The following AKR1C3 variants were observed in gnomAD, a reference collection of about 807,000 sequenced individuals.
AKR1C3 encodes the protein 3-alpha hydroxysteroid dehydrogenase, type II.
Under a neutral mutation model 43.6 loss-of-function variants are expected in AKR1C3, and 48 were observed. That is an observed-to-expected ratio of 1.10 (90% CI 0.87 to 1.40). The LOEUF is 1.40. Ranked by LOEUF, AKR1C3 falls within the 40% of genes most tolerant of loss-of-function variation. The pLI, the probability that AKR1C3 is intolerant of heterozygous loss-of-function variation, is 0.00. For synonymous variants in AKR1C3, 162 were observed against 139.6 expected (o/e 1.16, Z -1.13); for missense variants, 482 against 391.2 (o/e 1.23, Z -1.96).
At chr10:5,072,202 ACCC>A (rs1838625118) in intron 1 of AKR1C3, among the ~76,000 whole-genome samples, 1 of 152,164 alleles carries the variant, frequency 6.6e-6, no homozygotes, top group Non-Finnish European at 1.5e-5. Context: ...TTATGGCCAA[ACCC>A]TGGCATAAGT....
intron 1 of AKR1C3, among the ~76,000 whole-genome samples, chr10:5,068,271 C>A (rs1160403021): frequency 6.6e-6 from 1 of 151,848 alleles, no homozygotes; most frequent in African/African-American, 2.4e-5. Flanking sequence ...AAAATATAAC[C>A]TAAAGAAGAT....
At chr10:5,102,900 C>T (rs587646787) in intron 7 of AKR1C3, among the ~76,000 whole-genome samples, 4 of 151,972 alleles carry the variant, frequency 2.6e-5, no homozygotes, top group African/African-American at 9.6e-5. Flanking sequence ...TACTCTGCAT[C>T]CCTGCACCAG....
chr10:5,059,528 A>C (rs1554779993), intron 1 of AKR1C3, among the ~76,000 whole-genome samples: 1 of 152,154 alleles, frequency 6.6e-6, no homozygotes, highest in Non-Finnish European at 1.5e-5. Context: ...GAAAAGCAGA[A>C]GCTGGTTATA....
At chr10:5,084,363 G>C (rs561183352) in intron 1 of AKR1C3, among the ~76,000 whole-genome samples, 60 of 151,380 alleles carry the variant, frequency 4.0e-4, no homozygotes, top group East Asian at 1.9e-4. Flanking sequence ...TTTTTCTCAG[G>C]TTTGTCAAAG....
At chr10:5,050,281 A>T (rs1554778819) in intron 1 of AKR1C3, among the ~76,000 whole-genome samples, 1 of 152,246 alleles carries the variant, frequency 6.6e-6, no homozygotes, top group East Asian at 1.9e-4. Context: ...TGGAGTGAAT[A>T]GGAGCACTTG....
upstream of AKR1C3, among the ~76,000 whole-genome samples, chr10:5,091,711 G>A (rs78240731): frequency 0.033 from 4,980 of 152,042 alleles, 256 homozygotes; most frequent in African/African-American, 0.11. Context: ...CCACAGCTTC[G>A]TTTCCACTTC....
chr10:5,087,598 A>T (rs2131826230), intron 1 of AKR1C3, among the ~76,000 whole-genome samples: 1 of 150,348 alleles, frequency 6.7e-6, no homozygotes, highest in African/African-American at 2.4e-5. Flanking sequence ...CTAGTCTCGA[A>T]CTCTTGACCT....
At chr10:5,062,291 C>T (rs113219952) in intron 1 of AKR1C3, among the ~76,000 whole-genome samples, 17 of 152,296 alleles carry the variant, frequency 1.1e-4, no homozygotes, top group African/African-American at 4.1e-4. Flanking sequence ...ACAATCTTTC[C>T]TTAAACTATG....
At chr10:5,062,065 G>A (rs1838393965) in intron 1 of AKR1C3, among the ~76,000 whole-genome samples, 1 of 152,164 alleles carries the variant, frequency 6.6e-6, no homozygotes. Context: ...TAGTTTTTAG[G>A]AGTACAAAGT....
intron 8 of AKR1C3, among the ~76,000 whole-genome samples, chr10:5,106,156 C>T (rs1390822492): frequency 2.6e-5 from 4 of 152,188 alleles, no homozygotes; most frequent in Non-Finnish European, 5.9e-5. Context: ...AATTCAGCAT[C>T]TTTTATTATT....
chr10:5,078,101 T>G, intron 1 of AKR1C3: 1 of 584,262 alleles, frequency 1.7e-6, no homozygotes, highest in South Asian at 2.2e-5. Flanking sequence ...TGTCTTTTGT[T>G]TCCAAAGTCA....
At chr10:5,065,572 T>C (rs1413374789) in intron 1 of AKR1C3, among the ~76,000 whole-genome samples, 3 of 152,158 alleles carry the variant, frequency 2.0e-5, no homozygotes, top group African/African-American at 2.4e-5. Flanking sequence ...CAAAAGGAGA[T>C]ATTTATTCGA....
At chr10:5,099,810 TATGAAGCTAGGAAAAG>T (rs1839302569) in intron 5 of AKR1C3, 1 of 232,774 alleles carries the variant, frequency 4.3e-6, no homozygotes, top group African/African-American at 2.3e-5. Context: ...GGTGTATAGA[TATGAAGCTAGGAAAAG>T]ATGAAATGAG....
At chr10:5,070,837 T>G (rs916376390) in intron 1 of AKR1C3, among the ~76,000 whole-genome samples, 1 of 152,194 alleles carries the variant, frequency 6.6e-6, no homozygotes, top group Non-Finnish European at 1.5e-5. Context: ...TCCAGATCTG[T>G]GAGCAATCCA....
At chr10:5,092,095 C>T (rs993091003), upstream of AKR1C3, among the ~76,000 whole-genome samples, 3 of 152,070 alleles carry the variant, frequency 2.0e-5, no homozygotes, top group African/African-American at 4.8e-5. Context: ...ATTTTTACCA[C>T]ATTAAATGTA....
At chr10:5,054,358 C>A (rs1838216242) in intron 1 of AKR1C3, among the ~76,000 whole-genome samples, 1 of 152,136 alleles carries the variant, frequency 6.6e-6, no homozygotes, top group African/African-American at 2.4e-5. Context: ...CATTCCTAAC[C>A]CTATAAGTAG....
chr10:5,090,518 T>G (rs1170926193), upstream of AKR1C3, among the ~76,000 whole-genome samples: 1 of 152,150 alleles, frequency 6.6e-6, no homozygotes, highest in African/African-American at 2.4e-5. Flanking sequence ...AAGTGATAAT[T>G]GGGGTAGAAC....
At chr10:5,069,546 C>T (rs1838577001) in intron 1 of AKR1C3, among the ~76,000 whole-genome samples, 1 of 150,478 alleles carries the variant, frequency 6.6e-6, no homozygotes, top group African/African-American at 2.5e-5. Context: ...GAATTCTTAT[C>T]CTTATAACCT....
At chr10:5,099,189 TTTTCTTTTTTTGA>T (rs1262027389) in intron 4 of AKR1C3, 125 bp from the exon 5 acceptor site, 2 of 1,433,928 alleles carry the variant, frequency 1.4e-6, no homozygotes, top group Non-Finnish European at 1.9e-6. Flanking sequence ...CTGTTTGAAT[TTTTCTTTTTTTGA>T]CAATCACTGC....
Sources: gnomAD v4.1 joint callset for allele counts (sites outside exome capture counted in the v4.1 genomes callset) on GRCh38, gnomAD v4.1.1 for gene constraint, MANE v1.5 for transcripts, NCBI Gene and HGNC (gene_info 2026-07-23, HGNC 2026-07-21) for gene names.